The following HS6ST3 variants were observed in gnomAD, a reference collection of about 807,000 sequenced individuals.
HS6ST3 encodes the protein heparan sulfate 6-O-sulfotransferase 3.
HS6ST3 carries 12 observed loss-of-function variants against 36.7 expected under a neutral mutation model. The ratio of observed to expected loss-of-function variants is 0.33; its 90% confidence interval spans 0.21 to 0.53. The LOEUF (loss-of-function observed/expected upper bound fraction) is 0.53. Ranked by LOEUF, HS6ST3 falls within the 20% of genes least tolerant of loss-of-function variation. The probability of loss-of-function intolerance (pLI) is 0.95; values close to 1 mark genes in which losing one functional copy is unlikely to be tolerated. For missense variants in HS6ST3, 584 were observed against 640.9 expected (o/e 0.91, Z 0.96); for synonymous variants, 240 against 257.5 (o/e 0.93, Z 0.65).
chr13:96,689,939 A>T (rs1214228546), intron 1 of HS6ST3, among the ~76,000 whole-genome samples: 4 of 152,086 alleles, frequency 2.6e-5, no homozygotes, highest in African/African-American at 9.7e-5. Context: ...TAGAACAAGT[A>T]GGAAAAATTG....
At chr13:96,110,478 C>T (rs1186732315) in intron 1 of HS6ST3, among the ~76,000 whole-genome samples, 3 of 151,126 alleles carry the variant, frequency 2.0e-5, no homozygotes, top group East Asian at 2.0e-4. Context: ...ACTCTGTCGC[C>T]CAGGCTGGAG....
intron 1 of HS6ST3, among the ~76,000 whole-genome samples, chr13:96,765,291 C>T (rs113135079): frequency 0.037 from 5,688 of 151,936 alleles, 308 homozygotes; most frequent in African/African-American, 0.12. Flanking sequence ...CCAGGGTGGT[C>T]TCGATCTCCT....
At chr13:96,428,490 G>A (rs2055598584) in intron 1 of HS6ST3, among the ~76,000 whole-genome samples, 1 of 152,178 alleles carries the variant, frequency 6.6e-6, no homozygotes, top group African/African-American at 2.4e-5. Flanking sequence ...GCTTGTAAAT[G>A]TCCATCTTCT....
chr13:96,166,546 C>CT (rs1024581578), intron 1 of HS6ST3, among the ~76,000 whole-genome samples: 2 of 144,674 alleles, frequency 1.4e-5, no homozygotes, highest in African/African-American at 5.1e-5. Flanking sequence ...TAACTTGGTT[C>CT]TTTTTTGCTT....
chr13:96,158,840 G>A (rs927739148), intron 1 of HS6ST3, among the ~76,000 whole-genome samples: 1 of 151,818 alleles, frequency 6.6e-6, no homozygotes, highest in Non-Finnish European at 1.5e-5. Flanking sequence ...CAGGAACCAG[G>A]AGGTCACTGG....
At chr13:96,576,136 C>T (rs1240118203) in intron 1 of HS6ST3, among the ~76,000 whole-genome samples, 1 of 152,136 alleles carries the variant, frequency 6.6e-6, no homozygotes, top group Non-Finnish European at 1.5e-5. Context: ...CTGTTCTAGG[C>T]ATCGCCGTCA....
Position 96,252,660 on chromosome 13 carries a change from GT to G in HS6ST3, c.707+161092del, listed in dbSNP as rs371722118. On this transcript the variant is annotated intron_variant, in intron 1 of 1. Transcript: ENST00000376705. ...TTGGAGTGATATAATTTGGATATTT[GT>G]CCCCACCCAAATCTCTTGTTGAAAT... Among the ~76,000 whole-genome samples the G allele has an allele frequency of 4.1e-4, 62 of 152,234 alleles. No individual in the cohort carries two copies. In the East Asian group the frequency reaches 0.011, roughly 28 times the overall value.
chr13:96,655,686 A>G (rs1330416946), intron 1 of HS6ST3, among the ~76,000 whole-genome samples: 1 of 152,248 alleles, frequency 6.6e-6, no homozygotes, highest in Non-Finnish European at 1.5e-5. Context: ...TACTGTGGAT[A>G]AAGAATGAAA....
intron 1 of HS6ST3, among the ~76,000 whole-genome samples, chr13:96,516,632 C>G (rs905971102): frequency 9.2e-5 from 14 of 151,996 alleles, no homozygotes; most frequent in African/African-American, 3.4e-4. Flanking sequence ...CTATGCGTAG[C>G]ATAAAACAGC....
intron 1 of HS6ST3, among the ~76,000 whole-genome samples, chr13:96,524,913 T>C (rs1046179067): frequency 1.3e-5 from 2 of 152,228 alleles, no homozygotes; most frequent in African/African-American, 4.8e-5. Flanking sequence ...TAGATGGAAA[T>C]GCAGAAATCA....
intron 1 of HS6ST3, among the ~76,000 whole-genome samples, chr13:96,441,277 A>T (rs1371093260): frequency 6.6e-6 from 1 of 152,092 alleles, no homozygotes; most frequent in African/African-American, 2.4e-5. Flanking sequence ...ACTTGAAAAA[A>T]TTTGAATATA....
intron 1 of HS6ST3, among the ~76,000 whole-genome samples, chr13:96,340,726 C>T (rs990913351): frequency 2.0e-5 from 3 of 152,212 alleles, no homozygotes; most frequent in African/African-American, 4.8e-5. Context: ...CATTGCCATG[C>T]GATTTATAGC....
chr13:96,309,468 T>C (rs958812978), intron 1 of HS6ST3, among the ~76,000 whole-genome samples: 12 of 152,174 alleles, frequency 7.9e-5, no homozygotes, highest in Admixed American at 5.9e-4. Flanking sequence ...TTAGTTTACT[T>C]AGTGGAAAAA....
At chr13:96,414,080 T>C (rs2055521298) in intron 1 of HS6ST3, among the ~76,000 whole-genome samples, 1 of 152,186 alleles carries the variant, frequency 6.6e-6, no homozygotes, top group African/African-American at 2.4e-5. Flanking sequence ...TAAACCTACA[T>C]GGTGAGTTTT....
chr13:96,819,126 T>G (rs557002785), intron 1 of HS6ST3, among the ~76,000 whole-genome samples: 3 of 152,358 alleles, frequency 2.0e-5, no homozygotes, highest in South Asian at 4.1e-4. Flanking sequence ...CTATGTGAAC[T>G]CTACCTCAGG....
chr13:96,152,003 T>C (rs1319867512), intron 1 of HS6ST3, among the ~76,000 whole-genome samples: 1 of 152,228 alleles, frequency 6.6e-6, no homozygotes, highest in Non-Finnish European at 1.5e-5. Flanking sequence ...CATTCTGAGA[T>C]ACTAGGGGTT....
chr13:96,201,855 A>C (rs1450591961), intron 1 of HS6ST3, among the ~76,000 whole-genome samples: 1 of 152,240 alleles, frequency 6.6e-6, no homozygotes, highest in Admixed American at 6.5e-5. Context: ...TTGCAAGTGT[A>C]GAAAATACTT....
intron 1 of HS6ST3, among the ~76,000 whole-genome samples, chr13:96,790,446 T>C (rs1344810394): frequency 1.3e-5 from 2 of 151,954 alleles, no homozygotes; most frequent in Non-Finnish European, 2.9e-5. Context: ...TTCAAATATT[T>C]GTGGAGTCTC....
intron 1 of HS6ST3, among the ~76,000 whole-genome samples, chr13:96,527,521 T>C (rs2056119081): frequency 6.6e-6 from 1 of 152,120 alleles, no homozygotes; most frequent in Non-Finnish European, 1.5e-5. Flanking sequence ...GCGAGTAGTA[T>C]GGAGGAAGTA....
Sources: allele counts gnomAD v4.1 joint callset (sites outside exome capture counted in the v4.1 genomes callset), GRCh38; gene constraint gnomAD v4.1.1; transcripts MANE v1.5; gene names NCBI Gene and HGNC (gene_info 2026-07-23, HGNC 2026-07-21).